FRMD4A: variants seen among roughly 807,000 people sequenced by gnomAD.
FRMD4A encodes FERM domain containing 4A.
A neutral mutation model predicts 129.1 loss-of-function variants in FRMD4A; 29 were observed. That is an observed-to-expected ratio of 0.22 (90% CI 0.17 to 0.31). FRMD4A has a LOEUF of 0.31. Among genes scored for constraint, FRMD4A ranks in the 10% least tolerant of loss-of-function variants. The probability of loss-of-function intolerance (pLI) is 1.00; values close to 1 mark genes in which losing one functional copy is unlikely to be tolerated. For missense variants in FRMD4A, 1,272 were observed against 1,375.8 expected (o/e 0.92, Z 1.19); for synonymous variants, 634 against 571.6 (o/e 1.11, Z -1.56).
At chr10:13,828,711 T>A (rs1202604270) in intron 3 of FRMD4A, among the ~76,000 whole-genome samples, 1 of 152,162 alleles carries the variant, frequency 6.6e-6, no homozygotes, top group Non-Finnish European at 1.5e-5. Context: ...TTTGTATTTT[T>A]AGTAGAGACA....
At chr10:13,809,027 C>T (rs2093403458) in intron 4 of FRMD4A, among the ~76,000 whole-genome samples, 1 of 152,206 alleles carries the variant, frequency 6.6e-6, no homozygotes, top group African/African-American at 2.4e-5. Flanking sequence ...CTGGTCAGCA[C>T]AGAGAGCCAG....
At chr10:14,199,877 C>T (rs1293199221) in intron 2 of FRMD4A, among the ~76,000 whole-genome samples, 1 of 146,816 alleles carries the variant, frequency 6.8e-6, no homozygotes, top group African/African-American at 2.4e-5. Context: ...AAAAATTTTA[C>T]TAAAATTTTA....
At chr10:13,852,976 A>T (rs1238458924) in intron 3 of FRMD4A, among the ~76,000 whole-genome samples, 1 of 152,266 alleles carries the variant, frequency 6.6e-6, no homozygotes, top group East Asian at 1.9e-4. Flanking sequence ...GAAAACACAG[A>T]CTAGTCACAG....
intron 17 of FRMD4A, among the ~76,000 whole-genome samples, chr10:13,666,779 T>A (rs1451173592): frequency 6.6e-6 from 1 of 152,180 alleles, no homozygotes; most frequent in Non-Finnish European, 1.5e-5. Context: ...CATGAGCTAA[T>A]GCACGGGCCT....
chr10:14,012,154 T>G (rs1404722636), intron 2 of FRMD4A, among the ~76,000 whole-genome samples: 3 of 144,384 alleles, frequency 2.1e-5, no homozygotes, highest in African/African-American at 5.2e-5. Flanking sequence ...GGATGTGGGG[T>G]GGGAGTTGAG....
In FRMD4A at chr10:13,714,035, T is replaced by TAAAATATATATAATATATA. The variant is rs56952909; in HGVS notation, c.760-6923_760-6922insTATATATTATATATATTTT. On this transcript the variant is annotated intron_variant, in intron 12 of 24. Coordinates refer to ENST00000357447, the MANE Select transcript of FRMD4A (RefSeq NM_018027.5). The stretch of plus-strand genomic sequence containing the variant: ...TACATATATAAAATATACATATATA[T>TAAAATATATATAATATATA]ATATATATATATATATATATATATA... 4.3e-5 allele frequency among the ~76,000 whole-genome samples: 2 copies of TAAAATATATATAATATATA among 46,554 alleles called. 1 individual carries two copies. Among genetic ancestry groups the TAAAATATATATAATATATA allele is most frequent in the African/African-American group, 1.5e-4 (2 of 13,592 alleles). 30.5% of individuals were successfully genotyped at this position (46,554 alleles called of 152,430 possible). A position where few individuals can be genotyped will look rare whatever the true frequency, so the allele number is the denominator to read the frequency against.
At chr10:14,143,590 T>A (rs1479938425) in intron 2 of FRMD4A, among the ~76,000 whole-genome samples, 2 of 152,298 alleles carry the variant, frequency 1.3e-5, no homozygotes, top group African/African-American at 2.4e-5. Context: ...GCACTTAAGA[T>A]GGTTACAATA....
At chr10:13,809,211 AT>A (rs1458486056) in intron 4 of FRMD4A, among the ~76,000 whole-genome samples, 1 of 152,150 alleles carries the variant, frequency 6.6e-6, no homozygotes, top group Non-Finnish European at 1.5e-5. Context: ...GTGATCTGAA[AT>A]GTTCTGCAGA....
chr10:14,114,536 T>C (rs1838098411), intron 2 of FRMD4A, among the ~76,000 whole-genome samples: 1 of 152,132 alleles, frequency 6.6e-6, no homozygotes, highest in Admixed American at 6.5e-5. Flanking sequence ...CCACCTGTAA[T>C]GTAGGAGAGG....
intron 2 of FRMD4A, among the ~76,000 whole-genome samples, chr10:14,215,480 T>C (rs1843046187): frequency 6.6e-6 from 1 of 152,196 alleles, no homozygotes; most frequent in Admixed American, 6.5e-5. Flanking sequence ...ATGGCTTCCT[T>C]TTTTACTGTA....
intron 2 of FRMD4A, among the ~76,000 whole-genome samples, chr10:14,328,194 C>T (rs72780858): frequency 0.033 from 4,950 of 152,120 alleles, 129 homozygotes; most frequent in South Asian, 0.063. Flanking sequence ...CCCCTGGTTT[C>T]CAAGAGAGGA....
At chr10:13,952,559 G>A (rs2095380055) in intron 2 of FRMD4A, among the ~76,000 whole-genome samples, 1 of 152,136 alleles carries the variant, frequency 6.6e-6, no homozygotes. Flanking sequence ...AATTTAAAAT[G>A]TACCTGTAAT....
chr10:14,054,272 T>C (rs933693837), intron 2 of FRMD4A, among the ~76,000 whole-genome samples: 1 of 152,164 alleles, frequency 6.6e-6, no homozygotes, highest in Non-Finnish European at 1.5e-5. Context: ...TGTATCTCAC[T>C]ATTATGGCCT....
In FRMD4A at chr10:14,330,825, C is replaced by T. The variant is rs1341066134; in HGVS notation, c.-310G>A. ...CAAGTAGACTGGCCAGCTCAGCTCC[C>T]GGTAGGGCTAACATACTTAAGAGGA... is the stretch of plus-strand genomic sequence containing the variant. On this transcript the variant is annotated 5_prime_UTR_variant, in exon 1 of 25. Coordinates refer to ENST00000357447, the MANE Select transcript of FRMD4A (RefSeq NM_018027.5). The T allele has an allele frequency of 1.8e-5, 7 of 398,602 alleles. No individual in the cohort carries two copies. Among genetic ancestry groups the T allele is most frequent in the African/African-American group, 1.0e-4 (5 of 48,608 alleles). The allele number at this position is 398,602 out of a possible 1,614,324, so 24.7% of individuals were successfully genotyped here. A position where few individuals can be genotyped will look rare whatever the true frequency, so the allele number is the denominator to read the frequency against.
intron 2 of FRMD4A, among the ~76,000 whole-genome samples, chr10:14,064,949 C>G (rs773420380): frequency 6.6e-6 from 1 of 152,152 alleles, no homozygotes; most frequent in Non-Finnish European, 1.5e-5. Context: ...TATTAGAATG[C>G]AAAACTGCAG....
At chr10:14,330,018 T>C in intron 2 of FRMD4A, 40 bp downstream of exon 2, 3 of 1,546,548 alleles carry the variant, frequency 1.9e-6, no homozygotes, top group Non-Finnish European at 2.6e-6. Context: ...GAGGCTGGAG[T>C]GGACGCTGCC....
intron 2 of FRMD4A, among the ~76,000 whole-genome samples, chr10:14,080,550 G>A (rs1307599840): frequency 6.6e-6 from 1 of 152,016 alleles, no homozygotes; most frequent in Admixed American, 6.6e-5. Flanking sequence ...CAAGATGATT[G>A]AGCCTCTTCT....
At chr10:13,678,483 G>T (rs919461697) in intron 15 of FRMD4A, among the ~76,000 whole-genome samples, 3 of 152,234 alleles carry the variant, frequency 2.0e-5, no homozygotes, top group African/African-American at 7.2e-5. Context: ...CCTTGGGTAA[G>T]TTACCTGCCC....
At chr10:14,268,784 T>G (rs115280540) in intron 2 of FRMD4A, among the ~76,000 whole-genome samples, 76 of 151,828 alleles carry the variant, frequency 5.0e-4, no homozygotes, top group African/African-American at 1.8e-3. Context: ...CAATAGCCAA[T>G]AGAGATAAGT....
Sources: allele counts gnomAD v4.1 joint callset (sites outside exome capture counted in the v4.1 genomes callset), GRCh38; gene constraint gnomAD v4.1.1; transcripts MANE v1.5; gene names NCBI Gene and HGNC (gene_info 2026-07-23, HGNC 2026-07-21).